Variants in SH3RF3 observed in about 807,000 individuals in gnomAD.
SH3RF3 encodes the protein SH3 domain containing ring finger 3, also known as E3 ubiquitin-protein ligase SH3RF3.
In SH3RF3, 29 loss-of-function variants were observed where a neutral mutation model predicts 66.3. The observed-to-expected ratio is 0.44, with a 90% CI of 0.33 to 0.60. SH3RF3 has a LOEUF of 0.60. SH3RF3 is among the 20% of genes least tolerant of loss of function. The pLI is 0.04. For synonymous variants in SH3RF3, 583 were observed against 532.0 expected, an observed-to-expected ratio of 1.10 and a Z score of -1.32; for missense variants, 1,194 against 1,190.9, an observed-to-expected ratio of 1.00 and a Z score of -0.04.
At chr2:109,320,008 G>T (rs1681984000) in intron 1 of SH3RF3, among the ~76,000 whole-genome samples, 1 of 152,154 alleles carries the variant, frequency 6.6e-6, no homozygotes, top group Non-Finnish European at 1.5e-5. Context: ...TATTCTGGAG[G>T]TTCCCAGCTG....
chr2:109,349,420 A>C (rs1348323440), intron 2 of SH3RF3, among the ~76,000 whole-genome samples: 1 of 152,030 alleles, frequency 6.6e-6, no homozygotes, highest in Non-Finnish European at 1.5e-5. Context: ...CTCCCCACTC[A>C]GTCGGAGGGC....
chr2:109,432,427 C>T (rs1204781667), intron 5 of SH3RF3, 74 bp from the exon 6 acceptor site: 30 of 1,567,174 alleles, frequency 1.9e-5, no homozygotes, highest in Non-Finnish European at 2.5e-5. Context: ...AGACAACCTC[C>T]CCCCAGGAAT....
chr2:109,466,412 A>T (rs185716977), intron 8 of SH3RF3, among the ~76,000 whole-genome samples: 1 of 151,948 alleles, frequency 6.6e-6, no homozygotes, highest in Non-Finnish European at 1.5e-5. Context: ...GTCTGTTTAG[A>T]TCTTTGCTGA....
intron 1 of SH3RF3, among the ~76,000 whole-genome samples, chr2:109,237,729 G>A (rs573347952): frequency 7.2e-5 from 11 of 152,226 alleles, no homozygotes; most frequent in Admixed American, 3.3e-4. Flanking sequence ...TTAAATGCCC[G>A]TGTCTTTGAT....
intron 2 of SH3RF3, among the ~76,000 whole-genome samples, chr2:109,362,566 G>T (rs1369666763): frequency 6.6e-6 from 1 of 152,162 alleles, no homozygotes; most frequent in Non-Finnish European, 1.5e-5. Flanking sequence ...TTATGTGGAT[G>T]TCAGTTGTAT....
chr2:109,224,983 A>G (rs1299681138), intron 1 of SH3RF3, among the ~76,000 whole-genome samples: 2 of 152,152 alleles, frequency 1.3e-5, no homozygotes, highest in African/African-American at 4.8e-5. Flanking sequence ...TAAAAATCTT[A>G]TTTTAAAAAG....
chr2:109,341,565 T>A (rs1036678490), intron 1 of SH3RF3, among the ~76,000 whole-genome samples: 2 of 152,088 alleles, frequency 1.3e-5, no homozygotes, highest in African/African-American at 2.4e-5. Context: ...GAGCTGTGAA[T>A]GAGATCCCAA....
chr2:109,225,016 G>T (rs1398674435), intron 1 of SH3RF3, among the ~76,000 whole-genome samples: 10 of 152,162 alleles, frequency 6.6e-5, no homozygotes, highest in African/African-American at 2.2e-4. Flanking sequence ...TTGAAGGAAA[G>T]ATTGTCTGGA....
chr2:109,314,078 G>A (rs1480859032), intron 1 of SH3RF3, among the ~76,000 whole-genome samples: 1 of 152,184 alleles, frequency 6.6e-6, no homozygotes, highest in Admixed American at 6.5e-5. Context: ...CGTGAGACCC[G>A]GGGCAAGTGT....
intron 1 of SH3RF3, among the ~76,000 whole-genome samples, chr2:109,200,319 C>T (rs981826366): frequency 2.0e-5 from 3 of 152,116 alleles, no homozygotes; most frequent in Non-Finnish European, 2.9e-5. Flanking sequence ...CAGACCCTGC[C>T]GCAGAACTCA....
chr2:109,296,571 G>C (rs891848018), intron 1 of SH3RF3, among the ~76,000 whole-genome samples: 4 of 152,108 alleles, frequency 2.6e-5, no homozygotes, highest in Admixed American at 6.5e-5. Context: ...GGTCATCAGG[G>C]CATGATTCCT....
At chr2:109,344,993 T>C (rs1019274431) in intron 1 of SH3RF3, among the ~76,000 whole-genome samples, 2 of 151,154 alleles carry the variant, frequency 1.3e-5, no homozygotes, top group African/African-American at 4.9e-5. Flanking sequence ...TGAAGGGGGG[T>C]GTCAGGGAGG....
chr2:109,136,632 A>C (rs142606618), intron 1 of SH3RF3, among the ~76,000 whole-genome samples: 13 of 152,302 alleles, frequency 8.5e-5, no homozygotes, highest in Non-Finnish European at 1.6e-4. Context: ...GGAGACCTGA[A>C]GGAGGCCCAA....
At chr2:109,242,531 A>T (rs1452022982) in intron 1 of SH3RF3, among the ~76,000 whole-genome samples, 1 of 152,282 alleles carries the variant, frequency 6.6e-6, no homozygotes, top group East Asian at 1.9e-4. Flanking sequence ...GTGAATGGCA[A>T]CAAGGCCAAG....
At position 109,268,346 on chromosome 2, in the gene SH3RF3, A is replaced by C. The variant is rs894376658; in HGVS notation, c.574-79328A>C. On this transcript the variant is annotated intron_variant, in intron 1 of 9. Coordinates refer to ENST00000309415, the MANE Select transcript of SH3RF3 (RefSeq NM_001099289.3). ...CCTCACCCACAAGGACTGGACACAG[A>C]GTCCAAGGACCCTTAGTGGGGATGT... Among the ~76,000 whole-genome samples the C allele has an allele frequency of 4.2e-4, 63 of 149,514 alleles. 1 individual carries two copies. The highest frequency in any genetic ancestry group is 2.2e-3 in the South Asian group (10 of 4,632).
intron 1 of SH3RF3, among the ~76,000 whole-genome samples, chr2:109,159,546 G>A (rs961845248): frequency 2.6e-5 from 4 of 152,226 alleles, no homozygotes; most frequent in African/African-American, 9.7e-5. Context: ...CATGTAGTGA[G>A]TACAGTTGAG....
At chr2:109,448,871 AATGTGCCC>A (rs1158767231) in intron 7 of SH3RF3, among the ~76,000 whole-genome samples, 1 of 152,156 alleles carries the variant, frequency 6.6e-6, no homozygotes, top group African/African-American at 2.4e-5. Context: ...TAGAACTGGG[AATGTGCCC>A]ATGTTCATGG....
chr2:109,402,276 C>T (rs114074934), intron 4 of SH3RF3, among the ~76,000 whole-genome samples: 1,809 of 152,376 alleles, frequency 0.012, 22 homozygotes, highest in Middle Eastern at 0.024. Flanking sequence ...GCAGCCAAGG[C>T]GAGCCAGACT....
intron 1 of SH3RF3, among the ~76,000 whole-genome samples, chr2:109,158,976 G>A (rs1033833821): frequency 6.6e-6 from 1 of 152,182 alleles, no homozygotes; most frequent in African/African-American, 2.4e-5. Context: ...AATTAGCTGG[G>A]TGTGGTGGCA....
Sources: gnomAD v4.1 joint callset for allele counts (sites outside exome capture counted in the v4.1 genomes callset) on GRCh38, gnomAD v4.1.1 for gene constraint, MANE v1.5 for transcripts, NCBI Gene and HGNC (gene_info 2026-07-23, HGNC 2026-07-21) for gene names.